The following INTS6 variants were observed in gnomAD, a reference collection of about 807,000 sequenced individuals.
INTS6 encodes the protein integrator complex subunit 6.
Under a neutral mutation model 104.9 loss-of-function variants are expected in INTS6, and 16 were observed. That is an observed-to-expected ratio of 0.15 (90% CI 0.10 to 0.23). The LOEUF (loss-of-function observed/expected upper bound fraction) is 0.23. Ranked by LOEUF, INTS6 falls within the 10% of genes least tolerant of loss-of-function variation. The pLI, the probability that INTS6 is intolerant of heterozygous loss-of-function variation, is 1.00. For synonymous variants in INTS6, 324 were observed against 358.7 expected (o/e 0.90, Z 1.09); for missense variants, 584 against 1,062.8 (o/e 0.55, Z 6.26).
intron 3 of INTS6, among the ~76,000 whole-genome samples, chr13:51,432,455 T>TA (rs74263286): frequency 0.025 from 3,615 of 141,904 alleles, 59 homozygotes; most frequent in East Asian, 0.072. Context: ...CACAATTTAT[T>TA]AAAAAAAAAA....
In INTS6 at chr13:51,363,273, A is replaced by C. The variant is rs1955618498; in HGVS notation, c.*2479T>G. On this transcript the variant is annotated 3_prime_UTR_variant, in exon 18 of 18. Coordinates refer to ENST00000311234, the MANE Select transcript of INTS6 (RefSeq NM_012141.3). ...AACTGCCTCAGTAATCAGAATGAAA[A>C]TATAAGGATAATCCAAAACCAGTTC... The C allele has an allele frequency of 2.0e-5, 3 of 151,934 alleles. No individual in the cohort carries two copies. The highest frequency in any genetic ancestry group is 2.9e-5 in the Non-Finnish European group (2 of 67,888). The allele number at this position is 151,934 out of a possible 1,614,324, so 9.4% of individuals were successfully genotyped here. A position where few individuals can be genotyped will look rare whatever the true frequency, so the allele number is the denominator to read the frequency against.
rs899121072 is a variant in INTS6 at position 51,361,725 on chromosome 13, A to T, written c.*4027T>A. On this transcript the variant is annotated 3_prime_UTR_variant, in exon 18 of 18. Transcript: ENST00000311234. Reference sequence around the variant, plus strand: ...TGCCATTAGGATGCTTTGATTTCTTAAAAAATTAACTTACTTCATAACCAA... The same window carrying T: ...TGCCATTAGGATGCTTTGATTTCTTTAAAAATTAACTTACTTCATAACCAA... 2.4e-6 allele frequency: 3 copies of T among 1,243,232 alleles called. No individual in the cohort carries two copies. In the Admixed American group the frequency reaches 8.6e-5, roughly 36 times the overall value. The allele number at this position is 1,243,232 out of a possible 1,614,324, so 77.0% of individuals were successfully genotyped here. A position where few individuals can be genotyped will look rare whatever the true frequency, so the allele number is the denominator to read the frequency against.
intron 3 of INTS6, chr13:51,447,354 T>G (rs1952938698): frequency 1.3e-5 from 2 of 152,288 alleles, no homozygotes; most frequent in South Asian, 4.1e-4. Flanking sequence ...AAAAGTAGTA[T>G]TAGAACTATA....
intron 4 of INTS6, among the ~76,000 whole-genome samples, chr13:51,412,907 C>T (rs1956713329): frequency 6.6e-6 from 1 of 152,150 alleles, no homozygotes; most frequent in African/African-American, 2.4e-5. Flanking sequence ...GAAACTAGAT[C>T]AACTAGTAGG....
the INTS6 span, among the ~76,000 whole-genome samples, chr13:51,347,960 C>CG: frequency 1.3e-5 from 2 of 152,084 alleles, no homozygotes; most frequent in Non-Finnish European, 2.9e-5. Context: ...CCATCGTCCC[C>CG]CCCCCCATAC....
rs112585939 is a variant in INTS6, at chr13:51,362,375, G to A, written c.*3377C>T. ...GATCTTTCTCAAAAATCAAATGTTT[G>A]CCCTAGTACTTTTAAGTCCTACTAC... On this transcript the variant is annotated 3_prime_UTR_variant, in exon 18 of 18. Transcript: ENST00000311234. 5.9e-6 allele frequency: 1 copy of A among 168,604 alleles called. No individual in the cohort carries two copies. Among genetic ancestry groups the A allele is most frequent in the South Asian group, 1.7e-4 (1 of 5,838 alleles). 10.4% of individuals were successfully genotyped at this position (168,604 alleles called of 1,614,324 possible).
At chr13:51,428,326 C>CTT (rs887192550) in intron 4 of INTS6, among the ~76,000 whole-genome samples, 8 of 135,040 alleles carry the variant, frequency 5.9e-5, no homozygotes, top group Non-Finnish European at 8.1e-5. Context: ...CTTTTTTTTT[C>CTT]TTTTTTTTTT....
downstream of INTS6, among the ~76,000 whole-genome samples, chr13:51,359,459 T>C (rs1955528877): frequency 6.6e-6 from 1 of 152,108 alleles, no homozygotes; most frequent in Admixed American, 6.6e-5. Context: ...TGCAAACATA[T>C]AAATGTCAAT....
intron 12 of INTS6, 121 bp downstream of exon 12, chr13:51,378,118 A>C (rs1955969450): frequency 4.2e-6 from 3 of 720,678 alleles, no homozygotes; most frequent in Non-Finnish European, 7.3e-6. Flanking sequence ...ATTAGTCTAC[A>C]AGAGTACAGA....
rs555461244 is a variant in INTS6 at position 51,393,373 on chromosome 13, C to T, written c.613+1927G>A. ...GATTACAGGCATGAGCCACCGCGCC[C>T]GGCCAACCTTAAGTTTTAAAAATGC... On this transcript the variant is annotated intron_variant, in intron 5 of 17. Transcript: ENST00000311234. Among the ~76,000 whole-genome samples the T allele has an allele frequency of 9.2e-4, 140 of 152,244 alleles. 1 individual carries two copies. Among genetic ancestry groups the T allele is most frequent in the Non-Finnish European group, 1.5e-3 (102 of 68,018 alleles).
At chr13:51,450,515 GA>G (rs1285456294) in intron 3 of INTS6, 2 of 984,640 alleles carry the variant, frequency 2.0e-6, no homozygotes, top group East Asian at 1.1e-4. Flanking sequence ...TGCTTCAAAA[GA>G]AAACTTAAAT....
intron 10 of INTS6, among the ~76,000 whole-genome samples, chr13:51,380,762 G>A (rs1187011277): frequency 3.3e-5 from 5 of 152,128 alleles, no homozygotes; most frequent in African/African-American, 1.2e-4. Flanking sequence ...ACTAAATCAT[G>A]TATTTAATAA....
Position 51,376,074 on chromosome 13 carries a change from C to A in INTS6, c.1703G>T (p.Arg568Leu). The A allele has an allele frequency of 1.2e-6, 2 of 1,610,230 alleles. No homozygotes were observed. The highest frequency in any genetic ancestry group is 1.1e-5 in the South Asian group (1 of 90,472). Residue 568 changes from arginine to leucine, a missense_variant, in exon 13 of 18, where the codon CGC (arginine) becomes CTC (leucine). By Grantham distance (102) the Arg-to-Leu change is moderately radical. Around this residue, in one of 5 missense-constraint regions of INTS6, gnomAD observed 296 missense variants for 437.0 expected, o/e 0.68. Transcript: ENST00000311234. ...RMRSNLLKST[R>L]RFLKGQDEDQ... Reference sequence around the variant, plus strand: ...TTCGTCCTGTCCTTTCAGAAATCTGCGAGTGCTCTTCAAAAGATTAGATCT... The same window carrying A: ...TTCGTCCTGTCCTTTCAGAAATCTGAGAGTGCTCTTCAAAAGATTAGATCT...
rs147754466 is a variant in INTS6, at chr13:51,421,765, T to C, written c.429+8529A>G. Among the ~76,000 whole-genome samples the C allele has an allele frequency of 1.4e-3, 213 of 152,172 alleles. 1 individual carries two copies. The highest frequency in any genetic ancestry group is 5.0e-3 in the African/African-American group (208 of 41,514). ...CATGGAGAAGCATGAAACACCCAAATAGGCTAAGTTTAACAGAAAAGTGCC... is the reference window on the plus strand; with the variant it reads ...CATGGAGAAGCATGAAACACCCAAACAGGCTAAGTTTAACAGAAAAGTGCC... On this transcript the variant is annotated intron_variant, in intron 4 of 17. Transcript: ENST00000311234.
At chr13:51,382,174 T>A (rs552540446) in intron 9 of INTS6, 51 bp from the exon 10 acceptor site, 1 of 1,132,846 alleles carries the variant, frequency 8.8e-7, no homozygotes, top group East Asian at 2.6e-5. Flanking sequence ...TTTTCACACA[T>A]AGAAGTCAAG....
chr13:51,344,324 A>C, the INTS6 span: 12 of 1,613,682 alleles, frequency 7.4e-6, no homozygotes, highest in Non-Finnish European at 9.3e-6. Context: ...ACCGAGATGG[A>C]GCTGGCCTGC....
chr13:51,436,035 G>A (rs1952679263), intron 3 of INTS6, among the ~76,000 whole-genome samples: 1 of 152,026 alleles, frequency 6.6e-6, no homozygotes, highest in Non-Finnish European at 1.5e-5. Flanking sequence ...ATCTCAGGTA[G>A]TGTAGTATAA....
chr13:51,383,162 T>C (rs1292974489), intron 9 of INTS6, among the ~76,000 whole-genome samples, 167 bp downstream of exon 9: 1 of 152,052 alleles, frequency 6.6e-6, no homozygotes, highest in Non-Finnish European at 1.5e-5. Context: ...TCTTTTAATT[T>C]ACTGTAAACA....
the INTS6 span, among the ~76,000 whole-genome samples, chr13:51,336,041 A>C: frequency 2.0e-5 from 3 of 152,364 alleles, no homozygotes; most frequent in Admixed American, 1.3e-4. Context: ...CTGAGGCAGC[A>C]ACAACTTATG....
Sources: gnomAD v4.1 joint callset for allele counts (sites outside exome capture counted in the v4.1 genomes callset) on GRCh38, gnomAD v4.1.1 for gene constraint, gnomAD v4.1.1 regional missense constraint, MANE v1.5 for transcripts, NCBI Gene and HGNC (gene_info 2026-07-23, HGNC 2026-07-21) for gene names.